Variants in GLS observed in about 807,000 individuals in gnomAD.
The protein encoded by GLS is glutaminase.
GLS carries 36 observed loss-of-function variants against 86.7 expected under a neutral mutation model. That is an observed-to-expected ratio of 0.42 (90% CI 0.32 to 0.55). The LOEUF (loss-of-function observed/expected upper bound fraction) is 0.55, where lower values mean the gene tolerates loss of function less well. GLS is among the 20% of genes least tolerant of loss of function. GLS has a pLI of 0.17. For synonymous variants in GLS, 317 were observed against 305.9 expected (o/e 1.04, Z -0.38); for missense variants, 528 against 833.4 (o/e 0.63, Z 4.51).
chr2:190,944,214 A>G (rs1690524074), intron 14 of GLS, among the ~76,000 whole-genome samples: 2 of 150,246 alleles, frequency 1.3e-5, no homozygotes, highest in Admixed American at 6.6e-5. Flanking sequence ...TTTTTGTTTA[A>G]TATGTGTATT....
chr2:190,885,202 T>TG (rs1688333075), intron 1 of GLS, among the ~76,000 whole-genome samples: 1 of 152,122 alleles, frequency 6.6e-6, no homozygotes, highest in Admixed American at 6.6e-5. Context: ...ATTGAATTTT[T>TG]TTTTTTTGAG....
intron 1 of GLS, among the ~76,000 whole-genome samples, chr2:190,888,311 C>T (rs1226465810): frequency 6.6e-6 from 1 of 152,146 alleles, no homozygotes; most frequent in Non-Finnish European, 1.5e-5. Context: ...TTCACTGGTA[C>T]CCTTAAACAT....
chr2:190,885,478 C>G (rs1489980836), intron 1 of GLS, among the ~76,000 whole-genome samples: 1 of 152,176 alleles, frequency 6.6e-6, no homozygotes, highest in Non-Finnish European at 1.5e-5. Context: ...GCGTGAGCCA[C>G]CGCACCTGGT....
At chr2:190,886,114 G>T (rs1559313208) in intron 1 of GLS, among the ~76,000 whole-genome samples, 1 of 151,986 alleles carries the variant, frequency 6.6e-6, no homozygotes, top group Non-Finnish European at 1.5e-5. Flanking sequence ...CTTGTGATAC[G>T]CCTGCTTCGG....
In GLS at chr2:190,895,893, AC is replaced by A. The variant is rs1321300378; in HGVS notation, c.605+169del. The A allele has an allele frequency of 6.4e-6, 3 of 467,414 alleles. No individual in the cohort carries two copies. The highest frequency in any genetic ancestry group is 3.7e-4 in the Middle Eastern group (1 of 2,728). 29.0% of individuals were successfully genotyped at this position (467,414 alleles called of 1,614,324 possible). Reference sequence around the variant, plus strand: ...CTTGGTACATATTAGGTTCTATAATACACCGGGCTAAGAGTATTCTTTCTTT... The same window carrying A: ...CTTGGTACATATTAGGTTCTATAATAACCGGGCTAAGAGTATTCTTTCTTT... On this transcript the variant is annotated intron_variant, in intron 3 of 17. Transcript: ENST00000320717. This position sits in a 1 kb window ranked among gnomAD's most constrained non-coding sequence, Gnocchi z 4.2.
In GLS at chr2:190,905,727, G is replaced by A. The variant is rs1418262523; in HGVS notation, c.979+560G>A. 6.6e-6 allele frequency among the ~76,000 whole-genome samples: 1 copy of A among 152,088 alleles called. No individual in the cohort carries two copies. The highest frequency in any genetic ancestry group is 1.5e-5 in the Non-Finnish European group (1 of 67,956). ...CTTTTTACAGGAATTCAAAAGAAAA[G>A]GGGAGGACAAAAGTAGTTAGTTTGA... On this transcript the variant is annotated intron_variant, in intron 6 of 17. Transcript: ENST00000320717. The surrounding 1 kb of genome is among the most constrained non-coding windows in gnomAD (Gnocchi z 4.6).
chr2:190,934,162 A>G, intron 14 of GLS: 1 of 983,770 alleles, frequency 1.0e-6, no homozygotes, highest in Non-Finnish European at 1.2e-6. Flanking sequence ...ATTAGAAGAA[A>G]AACTTGGTGG....
intron 7 of GLS, chr2:190,919,572 C>A: frequency 3.7e-6 from 1 of 267,010 alleles, no homozygotes; most frequent in Non-Finnish European, 5.8e-6. Context: ...TTTTTTTGTG[C>A]TTTTTCTAAG....
At chr2:190,907,017 C>T (rs1353780295) in intron 6 of GLS, among the ~76,000 whole-genome samples, 2 of 149,138 alleles carry the variant, frequency 1.3e-5, no homozygotes, top group African/African-American at 2.5e-5. Context: ...GCAAGCTCTG[C>T]CCCCCGGGTT....
At position 190,913,823 on chromosome 2, in the gene GLS, C is replaced by T. The variant is rs1689434955; in HGVS notation, c.1038+3502C>T. On this transcript the variant is annotated intron_variant, in intron 7 of 17. Coordinates refer to ENST00000320717, the MANE Select transcript of GLS (RefSeq NM_014905.5). This position sits in a 1 kb window ranked among gnomAD's most constrained non-coding sequence, Gnocchi z 6.1. ...TTTTTTGTTTTTTGTTTTTTAGAGA[C>T]AAGGTCTCTCTCTGTTGCCCAGTCT... 6.9e-6 allele frequency: 5 copies of T among 721,238 alleles called. No homozygotes were observed. The highest frequency in any genetic ancestry group is 8.5e-6 in the Non-Finnish European group (5 of 589,174). The allele number at this position is 721,238 out of a possible 1,614,324, so 44.7% of individuals were successfully genotyped here. A position where few individuals can be genotyped will look rare whatever the true frequency, so the allele number is the denominator to read the frequency against.
intron 11 of GLS, 195 bp from the exon 12 acceptor site, chr2:190,927,111 A>G (rs1410707663): frequency 1.6e-5 from 8 of 499,948 alleles, no homozygotes; most frequent in Non-Finnish European, 2.4e-5. Flanking sequence ...TCTTTGGCCA[A>G]ATCAGGGTAA....
chr2:190,935,268 C>A lies in GLS; in HGVS notation c.1650+3631C>A. The A allele has an allele frequency of 1.6e-6, 1 of 609,256 alleles. No homozygotes were observed. Among genetic ancestry groups the A allele is most frequent in the Non-Finnish European group, 2.1e-6 (1 of 486,780 alleles). 37.7% of individuals were successfully genotyped at this position (609,256 alleles called of 1,614,324 possible). A position where few individuals can be genotyped will look rare whatever the true frequency, so the allele number is the denominator to read the frequency against. Reference sequence around the variant, plus strand: ...CAGTATGCCTACATTTTGTATTGCACAATAAATTTATTTTAAGCTGATTTT... The same window carrying A: ...CAGTATGCCTACATTTTGTATTGCAAAATAAATTTATTTTAAGCTGATTTT... On this transcript the variant is annotated intron_variant, in intron 14 of 17. Coordinates refer to ENST00000320717, the MANE Select transcript of GLS (RefSeq NM_014905.5). This position sits in a 1 kb window ranked among gnomAD's most constrained non-coding sequence, Gnocchi z 4.2.
intron 14 of GLS, among the ~76,000 whole-genome samples, chr2:190,950,677 G>T (rs1316836129): frequency 1.3e-5 from 2 of 152,186 alleles, no homozygotes; most frequent in Non-Finnish European, 2.9e-5. Context: ...GAAGAGCGTG[G>T]GCTGGTAACC....
At chr2:190,942,640 A>G (rs1690471597) in intron 14 of GLS, among the ~76,000 whole-genome samples, 1 of 152,224 alleles carries the variant, frequency 6.6e-6, no homozygotes, top group Admixed American at 6.5e-5. Flanking sequence ...CAACAGGGCC[A>G]AAGCTGCTGC....
chr2:190,924,090 A>G lies in GLS; in HGVS notation c.1197+107A>G. On this transcript the variant is annotated intron_variant, in intron 10 of 17. Coordinates refer to ENST00000320717, the MANE Select transcript of GLS (RefSeq NM_014905.5). This position sits in a 1 kb window ranked among gnomAD's most constrained non-coding sequence, Gnocchi z 5.2. ...AGCCTTTAAGCAACTACCTATTACT[A>G]TTTAAGGTGCAGAAGTTTTTGCAGA... 3.1e-6 allele frequency: 2 copies of G among 653,072 alleles called. No homozygotes were observed. The highest frequency in any genetic ancestry group is 2.8e-5 in the East Asian group (1 of 35,526). The allele number at this position is 653,072 out of a possible 1,614,324, so 40.5% of individuals were successfully genotyped here. A position where few individuals can be genotyped will look rare whatever the true frequency, so the allele number is the denominator to read the frequency against.
At chr2:190,958,502 T>C (rs1027402525) in intron 17 of GLS, among the ~76,000 whole-genome samples, 2 of 152,184 alleles carry the variant, frequency 1.3e-5, no homozygotes, top group African/African-American at 4.8e-5. Flanking sequence ...CTGTTTTAAT[T>C]GTGATGTTAG....
Position 190,895,413 on chromosome 2 carries a change from T to C in GLS, c.483+165T>C. The C allele has an allele frequency of 1.8e-6, 1 of 547,778 alleles. No individual in the cohort carries two copies. Among genetic ancestry groups the C allele is most frequent in the East Asian group, 2.9e-5 (1 of 34,000 alleles). 33.9% of individuals were successfully genotyped at this position (547,778 alleles called of 1,614,324 possible). On this transcript the variant is annotated intron_variant, in intron 2 of 17. Coordinates refer to ENST00000320717, the MANE Select transcript of GLS (RefSeq NM_014905.5). The surrounding 1 kb of genome is among the most constrained non-coding windows in gnomAD (Gnocchi z 4.2). Reference sequence around the variant, plus strand: ...TTTTGTCATGCTCATTTCAAGGTAATCAGTGAAAGAAAAAGAAAGAAACAA... The same window carrying C: ...TTTTGTCATGCTCATTTCAAGGTAACCAGTGAAAGAAAAAGAAAGAAACAA...
intron 7 of GLS, chr2:190,919,924 C>T (rs1335935626): frequency 6.5e-6 from 1 of 152,698 alleles, no homozygotes; most frequent in Non-Finnish European, 1.5e-5. Context: ...TATGTGATTG[C>T]ACATCTTTCT....
Position 190,900,618 on chromosome 2 carries a change from G to C in GLS, c.660G>C (p.Val220=), listed in dbSNP as rs759318314. Reference sequence around the variant, plus strand: ...CACAAGCATTTAGAAGAAAGTTTGTGATTCCTGACTTTATGTCTTTTACCT... The same window carrying C: ...CACAAGCATTTAGAAGAAAGTTTGTCATTCCTGACTTTATGTCTTTTACCT... ...LLTQAFRRKF[V]IPDFMSFTSH... Residue 220 remains valine, a synonymous_variant, in exon 4 of 18, where the codon GTG becomes GTC. Transcript: ENST00000320717. The C allele has an allele frequency of 3.1e-6, 5 of 1,603,626 alleles. No individual in the cohort carries two copies. Among genetic ancestry groups the C allele is most frequent in the Non-Finnish European group, 4.3e-6 (5 of 1,171,228 alleles).
Sources: allele counts gnomAD v4.1 joint callset (sites outside exome capture counted in the v4.1 genomes callset), GRCh38; gene constraint gnomAD v4.1.1; non-coding constraint Gnocchi (gnomAD v3.1); transcripts MANE v1.5; gene names NCBI Gene and HGNC (gene_info 2026-07-23, HGNC 2026-07-21).